The following COL21A1 variants were observed in gnomAD, a reference collection of about 807,000 sequenced individuals.
COL21A1 encodes collagen alpha-1(XXI) chain.
In COL21A1, 149 loss-of-function variants were observed where a neutral mutation model predicts 137.9. The observed-to-expected ratio is 1.08, with a 90% CI of 0.95 to 1.24. The LOEUF is 1.24. COL21A1 is among the 50% of genes most tolerant of loss of function. COL21A1 has a pLI of 0.00. For synonymous variants in COL21A1, 456 were observed against 391.5 expected (o/e 1.16, Z -1.95); for missense variants, 1,167 against 1,158.4 (o/e 1.01, Z -0.11).
chr6:56,115,168 T>G, intron 16 of COL21A1, among the ~76,000 whole-genome samples: 1 of 145,038 alleles, frequency 6.9e-6, no homozygotes, highest in Non-Finnish European at 1.5e-5. Context: ...GGGGGAGGGA[T>G]AGCATTGGGA....
intron 16 of COL21A1, among the ~76,000 whole-genome samples, chr6:56,107,964 T>G (rs972629227): frequency 3.9e-5 from 6 of 151,966 alleles, no homozygotes; most frequent in Non-Finnish European, 7.4e-5. Flanking sequence ...AAAATAGAAT[T>G]CATTAATTTC....
intron 1 of COL21A1, among the ~76,000 whole-genome samples, chr6:56,361,766 G>A (rs10948999): frequency 0.23 from 35,378 of 151,516 alleles, 5,907 homozygotes; most frequent in East Asian, 0.72. Flanking sequence ...GTGCGTGTGC[G>A]TGTGTGTGTG....
intron 1 of COL21A1, among the ~76,000 whole-genome samples, chr6:56,323,389 T>C (rs1764922610): frequency 6.6e-6 from 1 of 151,920 alleles, no homozygotes; most frequent in African/African-American, 2.4e-5. Context: ...GATGTTTTGT[T>C]TGTTTATTTG....
At chr6:56,336,255 G>T (rs1188765221) in intron 1 of COL21A1, among the ~76,000 whole-genome samples, 7 of 152,188 alleles carry the variant, frequency 4.6e-5, no homozygotes, top group Non-Finnish European at 7.3e-5. Flanking sequence ...AGGTGATTCT[G>T]ATTCAGCTTA....
At chr6:56,153,082 G>A (rs557394295) in intron 10 of COL21A1, among the ~76,000 whole-genome samples, 1 of 152,188 alleles carries the variant, frequency 6.6e-6, no homozygotes, top group East Asian at 1.9e-4. Context: ...AAGTAAAAGT[G>A]AGAAAGGAAT....
At chr6:56,126,015 A>G in intron 13 of COL21A1, 81 bp downstream of exon 13, 1 of 746,280 alleles carries the variant, frequency 1.3e-6, no homozygotes, top group Admixed American at 3.1e-5. Flanking sequence ...TTTATTTATA[A>G]CATATTTGTA....
At chr6:56,116,987 A>G (rs1470023140) in intron 16 of COL21A1, among the ~76,000 whole-genome samples, 1 of 152,076 alleles carries the variant, frequency 6.6e-6, no homozygotes, top group Non-Finnish European at 1.5e-5. Flanking sequence ...TTATATCACC[A>G]GAGAAAATCA....
intron 1 of COL21A1, among the ~76,000 whole-genome samples, chr6:56,260,131 G>T (rs1490030435): frequency 1.3e-5 from 2 of 152,124 alleles, no homozygotes; most frequent in Non-Finnish European, 2.9e-5. Context: ...TTTAACAGGA[G>T]AATATTACTT....
chr6:56,260,579 A>AAAAG (rs1363872351), intron 1 of COL21A1, among the ~76,000 whole-genome samples: 1,160 of 37,984 alleles, frequency 0.031, 128 homozygotes, highest in Middle Eastern at 0.12. Context: ...ATCAAAAAAA[A>AAAAG]AAAAGAAAGA....
In COL21A1 at chr6:56,124,091, C is replaced by G; in HGVS notation, c.1729G>C (p.Asp577His). The G allele has an allele frequency of 1.3e-6, 2 of 1,535,372 alleles. No individual in the cohort carries two copies. The highest frequency in any genetic ancestry group is 1.8e-6 in the Non-Finnish European group (2 of 1,141,464). The change falls in exon 16 of 30, where the codon GAT (aspartate) becomes CAT (histidine). Residue 577 changes from aspartate (D) to histidine (H), a missense_variant. By Grantham distance (81) the Asp-to-His change is moderately conservative. Coordinates refer to ENST00000244728, the MANE Select transcript of COL21A1 (RefSeq NM_030820.4). The stretch of plus-strand genomic sequence containing the variant: ...AAACCGGGACTACCCATTAATCCAT[C>G]CTTTCCATGTCTTCCTGGTTCTCCC... ...PAGEPGRHGKDGLMGSPGFKG... is the reference protein window; with the variant it reads ...PAGEPGRHGKHGLMGSPGFKG...
chr6:56,142,216 A>G (rs895851853), intron 10 of COL21A1, among the ~76,000 whole-genome samples: 1 of 152,110 alleles, frequency 6.6e-6, no homozygotes, highest in East Asian at 1.9e-4. Flanking sequence ...TAATAAAAAT[A>G]TTTAGAAAAT....
chr6:56,108,714 T>A lies in COL21A1; in HGVS notation c.1759-7189A>T, dbSNP rs188605781. ...AAACAAAGAATTAAGTTATAGAAGA[T>A]CTAAATAAGATATTCAATAAGGTAG... On this transcript the variant is annotated intron_variant, in intron 16 of 29. Coordinates refer to ENST00000244728, the MANE Select transcript of COL21A1 (RefSeq NM_030820.4). Among the ~76,000 whole-genome samples the A allele has an allele frequency of 3.9e-5, 6 of 151,962 alleles. No individual in the cohort carries two copies. In the East Asian group the frequency reaches 1.2e-3, roughly 29 times the overall value.
At chr6:56,188,460 T>A (rs1048710753) in intron 1 of COL21A1, among the ~76,000 whole-genome samples, 1 of 152,146 alleles carries the variant, frequency 6.6e-6, no homozygotes, top group Non-Finnish European at 1.5e-5. Context: ...GGGCAGGGAA[T>A]CTCTGAAAAT....
chr6:56,317,263 C>G lies in COL21A1; in HGVS notation c.-39+76708G>C, dbSNP rs150710785. Among the ~76,000 whole-genome samples the G allele has an allele frequency of 1.5e-3, 232 of 152,258 alleles. 1 individual carries two copies. Among genetic ancestry groups the G allele is most frequent in the African/African-American group, 5.3e-3 (222 of 41,546 alleles). ...AGTTCTGAGCTCTTTACTGCTGAAA[C>G]TAAAACTAGAATCTCAAAAATGATA... is the stretch of plus-strand genomic sequence containing the variant. On this transcript the variant is annotated intron_variant, in intron 1 of 28. Coordinates refer to the COL21A1 transcript ENST00000370819.
At chr6:56,063,942 G>T (rs1766021408) in intron 24 of COL21A1, among the ~76,000 whole-genome samples, 1 of 152,074 alleles carries the variant, frequency 6.6e-6, no homozygotes, top group Non-Finnish European at 1.5e-5. Flanking sequence ...CAGCAAACAT[G>T]CTATCTAAGT....
At chr6:56,377,654 G>C (rs1022612872) in intron 1 of COL21A1, among the ~76,000 whole-genome samples, 3 of 152,112 alleles carry the variant, frequency 2.0e-5, no homozygotes, top group African/African-American at 7.2e-5. Context: ...AGTCCAGGCT[G>C]AAACTCCTAG....
At chr6:56,150,493 G>A (rs1775216159) in intron 10 of COL21A1, among the ~76,000 whole-genome samples, 1 of 150,448 alleles carries the variant, frequency 6.6e-6, no homozygotes, top group Non-Finnish European at 1.5e-5. Context: ...GCTCCAGCCT[G>A]GGCGACAGAG....
chr6:56,199,320 T>C (rs9464357), intron 1 of COL21A1, among the ~76,000 whole-genome samples: 3,288 of 152,136 alleles, frequency 0.022, 122 homozygotes, highest in African/African-American at 0.075. Flanking sequence ...CTTTTAATGG[T>C]ACATAAATAA....
intron 16 of COL21A1, among the ~76,000 whole-genome samples, chr6:56,113,563 T>C (rs551365488): frequency 6.6e-6 from 1 of 152,264 alleles, no homozygotes; most frequent in Admixed American, 6.5e-5. Context: ...CTAGCAGCGA[T>C]ACCTACGTAC....
Sources: allele counts gnomAD v4.1 joint callset (sites outside exome capture counted in the v4.1 genomes callset), GRCh38; gene constraint gnomAD v4.1.1; transcripts MANE v1.5; gene names NCBI Gene and HGNC (gene_info 2026-07-23, HGNC 2026-07-21).